The following LAMA2 variants were observed in gnomAD, a reference collection of about 807,000 sequenced individuals.
The protein encoded by LAMA2 is laminin subunit alpha 2.
A neutral mutation model predicts 364.8 loss-of-function variants in LAMA2; 269 were observed. That is an observed-to-expected ratio of 0.74 (90% CI 0.67 to 0.82). LAMA2 has a LOEUF of 0.82. Ranked by LOEUF, LAMA2 falls within the 40% of genes least tolerant of loss-of-function variation. LAMA2 has a pLI of 0.00. For synonymous variants in LAMA2, 1,379 were observed against 1,370.6 expected, an observed-to-expected ratio of 1.01 and a Z score of -0.14; for missense variants, 3,807 against 3,873.2, an observed-to-expected ratio of 0.98 and a Z score of 0.45.
At position 129,353,171 on chromosome 6, in the gene LAMA2, C is replaced by G; in HGVS notation, c.4531C>G (p.Pro1511Ala). Residue 1511 changes from proline to alanine, a missense_variant, in exon 32 of 65, where the codon CCT (proline) becomes GCT (alanine). Pro to Ala is a conservative substitution (Grantham distance 27). Coordinates refer to ENST00000421865, the MANE Select transcript of LAMA2 (RefSeq NM_000426.4). ...YEGQYCERCA[P>A]GYTGSPGNPG... ...GTCACTGTTTCAATTCAGGTGTGCCCCTGGCTATACTGGCAGTCCAGGCAA... is the reference window on the plus strand; with the variant it reads ...GTCACTGTTTCAATTCAGGTGTGCCGCTGGCTATACTGGCAGTCCAGGCAA... 1 of 1,613,156 alleles carries G rather than the reference C, an allele frequency of 6.2e-7. No individual in the cohort carries two copies. Among genetic ancestry groups the G allele is most frequent in the African/African-American group, 1.3e-5 (1 of 74,978 alleles).
rs1171785290 is a variant in LAMA2 at position 129,403,912 on chromosome 6, AAAGTTGCCAAAG to A, written c.5822_5833del (p.Val1941_Glu1944del). 6.2e-7 allele frequency: 1 copy of A among 1,613,984 alleles called. No individual in the cohort carries two copies. The highest frequency in any genetic ancestry group is 1.1e-5 in the South Asian group (1 of 91,078). Reference sequence around the variant, plus strand: ...TAAGGACTATATTGATGAAGCTGAGAAAGTTGCCAAAGAAGCCAAAGATCTTGCACATGAAGC... The same window carrying A: ...TAAGGACTATATTGATGAAGCTGAGAAAGCCAAAGATCTTGCACATGAAGC... On this transcript the variant is annotated inframe_deletion, in exon 40 of 65. Transcript: ENST00000421865.
At chr6:129,085,032 C>G (rs1469817956) in intron 3 of LAMA2, among the ~76,000 whole-genome samples, 1 of 152,142 alleles carries the variant, frequency 6.6e-6, no homozygotes, top group African/African-American at 2.4e-5. Context: ...TAATTGTAGT[C>G]AGACAGACTG....
chr6:128,966,646 A>C (rs1348622594), intron 1 of LAMA2, among the ~76,000 whole-genome samples: 2 of 152,146 alleles, frequency 1.3e-5, no homozygotes, highest in Admixed American at 6.6e-5. Context: ...TTATTTGAGA[A>C]ATGATTCAAT....
chr6:128,912,354 C>A (rs1039937680), intron 1 of LAMA2, among the ~76,000 whole-genome samples: 1 of 151,992 alleles, frequency 6.6e-6, no homozygotes, highest in Non-Finnish European at 1.5e-5. Context: ...TTCCTTTCTC[C>A]CTCTTTTTAC....
chr6:129,229,951 A>C (rs1784578223), intron 12 of LAMA2, among the ~76,000 whole-genome samples: 1 of 152,200 alleles, frequency 6.6e-6, no homozygotes, highest in Non-Finnish European at 1.5e-5. Flanking sequence ...TTAAAGTGAT[A>C]GCTAGTATAC....
intron 1 of LAMA2, among the ~76,000 whole-genome samples, chr6:129,029,136 G>A (rs923839255): frequency 6.6e-6 from 1 of 151,920 alleles, no homozygotes; most frequent in African/African-American, 2.4e-5. Context: ...AGTTCCATAT[G>A]GAAAACTGAT....
At chr6:129,223,955 T>C (rs1784060585) in intron 12 of LAMA2, among the ~76,000 whole-genome samples, 1 of 152,224 alleles carries the variant, frequency 6.6e-6, no homozygotes, top group Non-Finnish European at 1.5e-5. Context: ...ATTTTCACGA[T>C]ATTGATTCTT....
chr6:129,454,578 A>G (rs1459947368), intron 47 of LAMA2, among the ~76,000 whole-genome samples: 1 of 152,184 alleles, frequency 6.6e-6, no homozygotes, highest in Non-Finnish European at 1.5e-5. Context: ...TTTTGCCTGA[A>G]GAAAGTACTG....
At chr6:129,442,737 G>A (rs1782181196) in intron 43 of LAMA2, 1 of 373,788 alleles carries the variant, frequency 2.7e-6, no homozygotes, top group Non-Finnish European at 5.0e-6. Flanking sequence ...AACTGGTAGT[G>A]GCCTTTTGTC....
chr6:129,119,640 C>T (rs1047068822), intron 4 of LAMA2, among the ~76,000 whole-genome samples: 15 of 152,100 alleles, frequency 9.9e-5, no homozygotes, highest in Non-Finnish European at 1.8e-4. Context: ...CTCCGCCTCC[C>T]GGGTTCACGC....
intron 1 of LAMA2, among the ~76,000 whole-genome samples, chr6:128,945,253 A>C (rs1780419802): frequency 6.6e-6 from 1 of 152,206 alleles, no homozygotes; most frequent in Non-Finnish European, 1.5e-5. Context: ...TCTGGTGACC[A>C]TCTGTTAAAA....
Position 129,009,268 on chromosome 6 carries a change from G to A in LAMA2, c.113-40650G>A, listed in dbSNP as rs145102412. On this transcript the variant is annotated intron_variant, in intron 1 of 64. Coordinates refer to ENST00000421865, the MANE Select transcript of LAMA2 (RefSeq NM_000426.4). ...TCTTCCCACCCAGACCATAATCTCT[G>A]AAATAATTATTAGGAATTTTCTTTT... Among the ~76,000 whole-genome samples the A allele has an allele frequency of 2.6e-3, 393 of 152,022 alleles. 2 individuals carry two copies. Among genetic ancestry groups the A allele is most frequent in the African/African-American group, 8.9e-3 (371 of 41,460 alleles).
chr6:129,055,858 A>T (rs1788445868), intron 2 of LAMA2, among the ~76,000 whole-genome samples: 2 of 152,214 alleles, frequency 1.3e-5, no homozygotes, highest in Non-Finnish European at 2.9e-5. Context: ...ATCCCTGTTG[A>T]GGATGTTATA....
chr6:129,457,010 G>A lies in LAMA2; in HGVS notation c.6867+516G>A, dbSNP rs188333790. 7.9e-4 allele frequency among the ~76,000 whole-genome samples: 121 copies of A among 152,206 alleles called. 1 individual carries two copies. In the Middle Eastern group the frequency reaches 0.017, roughly 21 times the overall value. ...ATAATTGCTTCATGACAGTCCTTGC[G>A]CATTTCAAATTGCAGAATGCCTGCC... On this transcript the variant is annotated intron_variant, in intron 48 of 64. Transcript: ENST00000421865.
At chr6:129,397,463 C>G (rs1053744667) in intron 37 of LAMA2, among the ~76,000 whole-genome samples, 1 of 152,136 alleles carries the variant, frequency 6.6e-6, no homozygotes, top group African/African-American at 2.4e-5. Context: ...CTCACATCCC[C>G]CAATCCTAGA....
In LAMA2 at chr6:129,300,783, C is replaced by T. The variant is rs145420388; in HGVS notation, c.3085C>T (p.Arg1029Ter). 8.1e-6 allele frequency: 13 copies of T among 1,613,276 alleles called. No homozygotes were observed. The highest frequency in any genetic ancestry group is 1.7e-5 in the Admixed American group (1 of 59,978). Residue 1029 changes from arginine to a stop codon, truncating the protein, a stop_gained, in exon 22 of 65, where the codon CGA becomes TGA. Coordinates refer to ENST00000421865, the MANE Select transcript of LAMA2 (RefSeq NM_000426.4). LOFTEE classifies it high-confidence loss of function. The part of the protein sequence containing the change: ...LGNNCDPKTG[R>*]CICPPNTIGE... ...TAATAATTGTGACCCAAAGACTGGGCGATGCATTTGCCCTCCCAATACCAT... is the reference window on the plus strand; with the variant it reads ...TAATAATTGTGACCCAAAGACTGGGTGATGCATTTGCCCTCCCAATACCAT...
intron 32 of LAMA2, among the ~76,000 whole-genome samples, chr6:129,360,285 C>G (rs1017748329): frequency 1.3e-5 from 2 of 152,252 alleles, no homozygotes; most frequent in African/African-American, 4.8e-5. Context: ...CAGATTTTCC[C>G]TATGATAGTA....
At chr6:128,893,412 A>G (rs1014051142) in intron 1 of LAMA2, among the ~76,000 whole-genome samples, 2 of 151,802 alleles carry the variant, frequency 1.3e-5, no homozygotes, top group Non-Finnish European at 2.9e-5. Context: ...ATGTATTAAT[A>G]TACATATATG....
At chr6:129,424,205 C>A (rs1237098199) in intron 40 of LAMA2, among the ~76,000 whole-genome samples, 2 of 151,886 alleles carry the variant, frequency 1.3e-5, no homozygotes, top group African/African-American at 4.8e-5. Context: ...GTATCTTGCA[C>A]CATATTCCAA....
Sources: allele counts gnomAD v4.1 joint callset (sites outside exome capture counted in the v4.1 genomes callset), GRCh38; gene constraint gnomAD v4.1.1; transcripts MANE v1.5; gene names NCBI Gene and HGNC (gene_info 2026-07-23, HGNC 2026-07-21).